The following SUPT3H variants were observed in gnomAD, a reference collection of about 807,000 sequenced individuals.
SUPT3H encodes the protein transcription initiation protein SPT3 homolog.
Under a neutral mutation model 44.3 loss-of-function variants are expected in SUPT3H, and 44 were observed. The observed-to-expected ratio is 0.99, with a 90% CI of 0.78 to 1.28. The LOEUF (loss-of-function observed/expected upper bound fraction) is 1.28. Ranked by LOEUF, SUPT3H falls within the 50% of genes most tolerant of loss-of-function variation. The pLI, the probability that SUPT3H is intolerant of heterozygous loss-of-function variation, is 0.00. For missense variants in SUPT3H, 380 were observed against 387.1 expected, an observed-to-expected ratio of 0.98 and a Z score of 0.15; for synonymous variants, 124 against 125.6, an observed-to-expected ratio of 0.99 and a Z score of 0.09.
chr6:45,183,878 G>A (rs1251401917), intron 2 of SUPT3H, among the ~76,000 whole-genome samples: 2 of 152,134 alleles, frequency 1.3e-5, no homozygotes, highest in African/African-American at 2.4e-5. Context: ...AAAGCAAAAC[G>A]ATGGAGATGG....
chr6:45,227,985 A>C (rs1214678862), intron 2 of SUPT3H, among the ~76,000 whole-genome samples: 4 of 152,174 alleles, frequency 2.6e-5, no homozygotes, highest in Admixed American at 6.5e-5. Flanking sequence ...CAAAAAAAAA[A>C]CTACACTCAA....
chr6:44,895,837 T>C (rs1181315923), intron 10 of SUPT3H, among the ~76,000 whole-genome samples: 1 of 152,008 alleles, frequency 6.6e-6, no homozygotes, highest in Admixed American at 6.6e-5. Context: ...TGAAGTTCAT[T>C]CTCTTTATCC....
intron 2 of SUPT3H, among the ~76,000 whole-genome samples, chr6:45,178,604 G>A (rs909542093): frequency 3.3e-5 from 5 of 151,986 alleles, no homozygotes; most frequent in Admixed American, 1.3e-4. Flanking sequence ...CAAATCAACA[G>A]AATATACATT....
In SUPT3H at chr6:44,949,434, C is replaced by CAA. The variant is rs148781059; in HGVS notation, c.801+3874_801+3875dup. Among the ~76,000 whole-genome samples, 9 of 148,898 alleles carry CAA rather than the reference C, an allele frequency of 6.0e-5. No homozygotes were observed. The East Asian group carries it at 1.8e-3, about 29-fold the overall frequency. On this transcript the variant is annotated intron_variant, in intron 9 of 10. Transcript: ENST00000371459. ...TAAATAAATGCAAGCGGAATATTGT[C>CAA]AAAAAAAAGAAAAAAAAGAAAAAAA...
intron 2 of SUPT3H, among the ~76,000 whole-genome samples, chr6:45,326,753 T>C (rs1483494173): frequency 6.6e-6 from 1 of 151,920 alleles, no homozygotes; most frequent in Non-Finnish European, 1.5e-5. Flanking sequence ...AAGCAGATAA[T>C]GAATAGCACT....
In SUPT3H at chr6:44,853,326, C is replaced by T. The variant is rs114243467; in HGVS notation, c.913-23469G>A. Reference sequence around the variant, plus strand: ...GTACTGGCCTTTGAATCACTGATAACCTCGAGAAGCTCTAAAATCATCATA... The same window carrying T: ...GTACTGGCCTTTGAATCACTGATAATCTCGAGAAGCTCTAAAATCATCATA... On this transcript the variant is annotated intron_variant, in intron 10 of 10. Transcript: ENST00000371459. Among the ~76,000 whole-genome samples the T allele has an allele frequency of 6.5e-3, 993 of 152,066 alleles. 12 individuals carry two copies. Among genetic ancestry groups the T allele is most frequent in the African/African-American group, 0.023 (938 of 41,522 alleles).
chr6:44,981,169 A>C (rs778530639), intron 6 of SUPT3H, among the ~76,000 whole-genome samples: 8 of 152,214 alleles, frequency 5.3e-5, no homozygotes, highest in Non-Finnish European at 8.8e-5. Flanking sequence ...TCTTAGGGAG[A>C]AATACACTAC....
chr6:44,888,905 G>A (rs147960079), intron 10 of SUPT3H, among the ~76,000 whole-genome samples: 103,185 of 104,870 alleles, frequency 0.98, 50,847 homozygotes, highest in Non-Finnish European at 1. Context: ...GCTGATAAGC[G>A]ACTTCAGCAA....
intron 7 of SUPT3H, 133 bp downstream of exon 7, chr6:44,961,620 G>T: frequency 2.9e-6 from 2 of 685,978 alleles, no homozygotes; most frequent in Non-Finnish European, 2.5e-6. Flanking sequence ...TGTAGACGTT[G>T]TTTGTATAGC....
At chr6:45,130,451 T>A (rs1014783453) in intron 2 of SUPT3H, among the ~76,000 whole-genome samples, 7 of 152,198 alleles carry the variant, frequency 4.6e-5, no homozygotes, top group African/African-American at 1.4e-4. Context: ...ATTGTTTTCC[T>A]CTTTTCAGTT....
chr6:45,060,909 T>C (rs1431686881), intron 3 of SUPT3H, among the ~76,000 whole-genome samples: 2 of 152,146 alleles, frequency 1.3e-5, no homozygotes, highest in African/African-American at 4.8e-5. Flanking sequence ...TACTATCTCA[T>C]GCCAGTCAGA....
intron 10 of SUPT3H, among the ~76,000 whole-genome samples, chr6:44,839,854 A>C (rs980595044): frequency 6.6e-6 from 1 of 152,136 alleles, no homozygotes; most frequent in Non-Finnish European, 1.5e-5. Context: ...GGTGCCCGCC[A>C]CCACGCCCGG....
intron 2 of SUPT3H, among the ~76,000 whole-genome samples, chr6:45,319,733 A>G (rs1036813177): frequency 1.3e-5 from 2 of 152,168 alleles, no homozygotes; most frequent in Non-Finnish European, 2.9e-5. Flanking sequence ...ATACATAGTA[A>G]TATCAAATAT....
At chr6:44,955,918 A>G (rs1284973763) in intron 7 of SUPT3H, among the ~76,000 whole-genome samples, 1 of 151,632 alleles carries the variant, frequency 6.6e-6, no homozygotes. Context: ...CAGGAGATCG[A>G]GACCATCCTG....
At chr6:44,982,487 T>C (rs572748888) in intron 6 of SUPT3H, among the ~76,000 whole-genome samples, 1 of 152,306 alleles carries the variant, frequency 6.6e-6, no homozygotes, top group East Asian at 1.9e-4. Context: ...AGCGCTGGGA[T>C]TACAGGCGTG....
At chr6:45,138,914 G>A (rs188969356) in intron 2 of SUPT3H, among the ~76,000 whole-genome samples, 1 of 152,268 alleles carries the variant, frequency 6.6e-6, no homozygotes, top group Admixed American at 6.5e-5. Context: ...TAATGCACTT[G>A]TATTATTACT....
intron 2 of SUPT3H, among the ~76,000 whole-genome samples, chr6:45,302,514 AATATATATATATATATATATATAT>A (rs10524207): frequency 8.3e-4 from 87 of 105,384 alleles, no homozygotes; most frequent in Middle Eastern, 5.7e-3. Context: ...GTATCTCAGG[AATATATATATATATATATATATAT>A]ATATATATAT....
At position 45,128,585 on chromosome 6, in the gene SUPT3H, T is replaced by C. The variant is rs776501309; in HGVS notation, c.102-22579A>G. ...ACACACACACACACACACACACACA[T>C]ACACATATATATATATACACACATA... is the stretch of plus-strand genomic sequence containing the variant. On this transcript the variant is annotated intron_variant, in intron 2 of 10. Coordinates refer to ENST00000371459, the MANE Select transcript of SUPT3H (RefSeq NM_003599.4). Among the ~76,000 whole-genome samples, 563 of 95,418 alleles carry C rather than the reference T, an allele frequency of 5.9e-3. 12 individuals are homozygous for C. Among genetic ancestry groups the C allele is most frequent in the Admixed American group, 0.035 (302 of 8,638 alleles). 62.6% of individuals were successfully genotyped at this position (95,418 alleles called of 152,430 possible).
chr6:45,377,015 G>A (rs1253381412), intron 1 of SUPT3H, among the ~76,000 whole-genome samples: 4 of 151,952 alleles, frequency 2.6e-5, no homozygotes, highest in Admixed American at 2.6e-4. Context: ...AGGATCGTCT[G>A]AGTGTCAAAT....
Sources: allele counts gnomAD v4.1 joint callset (sites outside exome capture counted in the v4.1 genomes callset), GRCh38; gene constraint gnomAD v4.1.1; transcripts MANE v1.5; gene names NCBI Gene and HGNC (gene_info 2026-07-23, HGNC 2026-07-21).